Variants in CCDC122 observed in about 807,000 individuals in gnomAD.
CCDC122 encodes the protein coiled-coil domain-containing protein 122.
CCDC122 carries 38 observed loss-of-function variants against 37.0 expected under a neutral mutation model. The observed-to-expected ratio is 1.03, with a 90% CI of 0.79 to 1.35. CCDC122 has a LOEUF of 1.35. Among genes scored for constraint, CCDC122 ranks in the 40% most tolerant of loss-of-function variants. The pLI is 0.00. For missense variants in CCDC122, 305 were observed against 310.0 expected (o/e 0.98, Z 0.12); for synonymous variants, 83 against 95.6 (o/e 0.87, Z 0.77).
downstream of CCDC122, among the ~76,000 whole-genome samples, chr13:43,832,379 T>A (rs1403518314): frequency 6.6e-6 from 1 of 152,138 alleles, no homozygotes; most frequent in Non-Finnish European, 1.5e-5. Context: ...CAAATCACTA[T>A]AGTATTCACA....
chr13:43,858,553 T>C (rs1252942521), intron 6 of CCDC122: 1 of 223,994 alleles, frequency 4.5e-6, no homozygotes, highest in Non-Finnish European at 8.4e-6. Flanking sequence ...CAGATTTAAA[T>C]AGGAGTGAAT....
intron 6 of CCDC122, among the ~76,000 whole-genome samples, chr13:43,857,555 A>G (rs1953959027): frequency 6.6e-6 from 1 of 151,552 alleles, no homozygotes; most frequent in African/African-American, 2.4e-5. Context: ...GAGGTAATCT[A>G]TTTTGTTTTT....
intron 6 of CCDC122, chr13:43,854,463 C>T (rs1212434395): frequency 1.3e-5 from 2 of 152,140 alleles, no homozygotes; most frequent in Non-Finnish European, 2.9e-5. Flanking sequence ...GTAACAAGCT[C>T]TGGAATTAAT....
intron 3 of CCDC122, among the ~76,000 whole-genome samples, chr13:43,829,417 T>C (rs1360826538): frequency 6.6e-6 from 1 of 152,186 alleles, no homozygotes; most frequent in Non-Finnish European, 1.5e-5. Context: ...GTGATTCTCC[T>C]GCCTCAGCCT....
In CCDC122 at chr13:43,824,240, G is replaced by T. The variant is rs115451363; in HGVS notation, n.602-229C>A. On this transcript the variant is annotated intron_variant and non_coding_transcript_variant, in intron 3 of 3. Coordinates refer to the CCDC122 transcript ENST00000470137. ...GACCTCTTCTATAAGCAACTAATAA[G>T]ACTATATCTTTAGTATCTTTTTGTT... 3.4e-3 allele frequency among the ~76,000 whole-genome samples: 513 copies of T among 152,220 alleles called. 1 individual carries two copies. The highest frequency in any genetic ancestry group is 0.012 in the African/African-American group (501 of 41,538).
chr13:43,839,185 C>G (rs1953265369), intron 6 of CCDC122, among the ~76,000 whole-genome samples: 1 of 152,146 alleles, frequency 6.6e-6, no homozygotes, highest in Non-Finnish European at 1.5e-5. Context: ...TCACGAATAT[C>G]ACCACAATCA....
At chr13:43,824,889 C>T (rs963790018) in intron 3 of CCDC122, among the ~76,000 whole-genome samples, 5 of 152,190 alleles carry the variant, frequency 3.3e-5, no homozygotes, top group Middle Eastern at 3.4e-3. Context: ...GTTAAAAAGT[C>T]GAAAACAACA....
chr13:43,835,692 A>G (rs966950326), downstream of CCDC122, among the ~76,000 whole-genome samples: 1 of 152,248 alleles, frequency 6.6e-6, no homozygotes, highest in African/African-American at 2.4e-5. Context: ...AATATTTTGA[A>G]TCTCAATATA....
Position 43,878,003 on chromosome 13 carries a change from A to T in CCDC122, c.-200+1628T>A, listed in dbSNP as rs1191044521. ...TGGGATGAGGAAGTGTTAGGACATGACACTAGGACCAGATGGTGAAAGGAA... is the reference window on the plus strand; with the variant it reads ...TGGGATGAGGAAGTGTTAGGACATGTCACTAGGACCAGATGGTGAAAGGAA... On this transcript the variant is annotated intron_variant, in intron 1 of 6. Coordinates refer to ENST00000444614, the MANE Select transcript of CCDC122 (RefSeq NM_144974.5). The T allele has an allele frequency of 2.0e-5, 3 of 152,174 alleles. No individual in the cohort carries two copies. In the East Asian group the frequency reaches 5.8e-4, roughly 29 times the overall value. The allele number at this position is 152,174 out of a possible 1,614,324, so 9.4% of individuals were successfully genotyped here. A position where few individuals can be genotyped will look rare whatever the true frequency, so the allele number is the denominator to read the frequency against.
At chr13:43,870,512 A>T (rs1360027707) in intron 2 of CCDC122, among the ~76,000 whole-genome samples, 1 of 152,098 alleles carries the variant, frequency 6.6e-6, no homozygotes, top group Non-Finnish European at 1.5e-5. Flanking sequence ...TTCAGTATAT[A>T]CTGTCAGTTC....
intron 6 of CCDC122, 131 bp downstream of exon 6, chr13:43,858,650 C>T: frequency 1.7e-6 from 1 of 604,824 alleles, no homozygotes; most frequent in Admixed American, 5.1e-5. Flanking sequence ...TTTGTATTTA[C>T]TAAATTTTAT....
At chr13:43,869,292 G>T in intron 3 of CCDC122, 39 bp downstream of exon 3, 2 of 1,478,664 alleles carry the variant, frequency 1.4e-6, no homozygotes, top group South Asian at 1.2e-5. Context: ...TGTTGTTGCT[G>T]ATCTTTTAAT....
At chr13:43,868,825 AAGT>A in intron 3 of CCDC122, 22 bp from the exon 4 acceptor site, 1 of 1,174,122 alleles carries the variant, frequency 8.5e-7, no homozygotes, top group South Asian at 2.0e-5. Context: ...CAAAAGAATA[AAGT>A]ATATAATAAA....
intron 6 of CCDC122, among the ~76,000 whole-genome samples, chr13:43,843,824 AT>A (rs5803218): frequency 0.88 from 131,603 of 150,268 alleles, 58,329 homozygotes; most frequent in Non-Finnish European, 0.96. Context: ...GTGTTATAGT[AT>A]TTTTTTTTTT....
chr13:43,847,296 A>G (rs1369182156), intron 6 of CCDC122, among the ~76,000 whole-genome samples: 1 of 152,204 alleles, frequency 6.6e-6, no homozygotes, highest in African/African-American at 2.4e-5. Context: ...TACCATTAAT[A>G]AGAGGTTTGT....
At chr13:43,874,116 T>C (rs1954533813) in intron 2 of CCDC122, among the ~76,000 whole-genome samples, 1 of 152,236 alleles carries the variant, frequency 6.6e-6, no homozygotes, top group African/African-American at 2.4e-5. Flanking sequence ...TTTCAGTATT[T>C]CTATTATACC....
chr13:43,836,263 G>A (rs925118553), downstream of CCDC122: 6 of 152,186 alleles, frequency 3.9e-5, no homozygotes, highest in African/African-American at 1.4e-4. Flanking sequence ...TTGCCTTTCA[G>A]TGAGAAAAAA....
At chr13:43,822,234 C>T (rs980964898), downstream of CCDC122, among the ~76,000 whole-genome samples, 1 of 152,168 alleles carries the variant, frequency 6.6e-6, no homozygotes, top group Non-Finnish European at 1.5e-5. Context: ...GTCTTGCATA[C>T]GATCTGGAAG....
At chr13:43,867,404 G>T (rs959756847) in intron 4 of CCDC122, among the ~76,000 whole-genome samples, 2 of 151,876 alleles carry the variant, frequency 1.3e-5, no homozygotes, top group African/African-American at 4.8e-5. Flanking sequence ...TTTTTATTTT[G>T]AATATTATCT....
Sources: gnomAD v4.1 joint callset for allele counts (sites outside exome capture counted in the v4.1 genomes callset) on GRCh38, gnomAD v4.1.1 for gene constraint, MANE v1.5 for transcripts, NCBI Gene and HGNC (gene_info 2026-07-23, HGNC 2026-07-21) for gene names.